The following FBXO25 variants were observed in gnomAD, a reference collection of about 807,000 sequenced individuals.
The protein encoded by FBXO25 is F-box protein 25.
In FBXO25, 45 loss-of-function variants were observed where a neutral mutation model predicts 51.9. The observed-to-expected ratio is 0.87, with a 90% CI of 0.68 to 1.11. FBXO25 has a LOEUF of 1.11. Among genes scored for constraint, FBXO25 ranks in the 50% most tolerant of loss-of-function variants. The pLI, the probability that FBXO25 is intolerant of heterozygous loss-of-function variation, is 0.00. For synonymous variants in FBXO25, 199 were observed against 151.0 expected (o/e 1.32, Z -2.33); for missense variants, 507 against 428.5 (o/e 1.18, Z -1.62).
At chr8:411,603 T>G (rs1796486652) in intron 1 of FBXO25, among the ~76,000 whole-genome samples, 1 of 152,188 alleles carries the variant, frequency 6.6e-6, no homozygotes, top group African/African-American at 2.4e-5. Context: ...GCTCCTGTTG[T>G]TTTCCTGGCA....
intron 5 of FBXO25, among the ~76,000 whole-genome samples, chr8:436,727 G>C (rs1798124928): frequency 6.6e-6 from 1 of 152,188 alleles, no homozygotes; most frequent in Non-Finnish European, 1.5e-5. Context: ...CAGTACTTAA[G>C]TAGCCGGGAA....
At chr8:412,268 C>T (rs146082002) in intron 1 of FBXO25, among the ~76,000 whole-genome samples, 1 of 152,256 alleles carries the variant, frequency 6.6e-6, no homozygotes, top group African/African-American at 2.4e-5. Flanking sequence ...TATCCCAGAT[C>T]CAGGGGCTAC....
chr8:451,206 A>G (rs1799064366), intron 6 of FBXO25, 63 bp from the exon 7 acceptor site: 7 of 1,429,458 alleles, frequency 4.9e-6, no homozygotes, highest in Middle Eastern at 1.8e-4. Context: ...TTATGAAACT[A>G]GATCTTTTTT....
intron 8 of FBXO25, among the ~76,000 whole-genome samples, chr8:458,832 T>C (rs1454460825): frequency 1.3e-5 from 2 of 152,190 alleles, no homozygotes; most frequent in East Asian, 3.9e-4. Flanking sequence ...ACGAGGTGCA[T>C]AGAGTCCCTG....
intron 2 of FBXO25, among the ~76,000 whole-genome samples, chr8:428,367 T>C (rs1442742565): frequency 6.6e-6 from 1 of 152,118 alleles, no homozygotes; most frequent in Non-Finnish European, 1.5e-5. Flanking sequence ...CATACAAGTG[T>C]GTTTGTGCCC....
intron 2 of FBXO25, among the ~76,000 whole-genome samples, chr8:418,288 TTTTCCTTTCCC>T (rs1563063976): frequency 6.6e-6 from 1 of 151,986 alleles, no homozygotes; most frequent in African/African-American, 2.4e-5. Context: ...ATTTTATTTC[TTTTCCTTTCCC>T]TTTCCTTTCC....
intron 1 of FBXO25, among the ~76,000 whole-genome samples, chr8:410,031 A>G (rs914746652): frequency 6.6e-6 from 1 of 152,104 alleles, no homozygotes; most frequent in African/African-American, 2.4e-5. Flanking sequence ...CCCATGATTG[A>G]TATTTTTTGC....
chr8:444,973 TC>T (rs1395106295), intron 5 of FBXO25, among the ~76,000 whole-genome samples: 1 of 152,224 alleles, frequency 6.6e-6, no homozygotes, highest in Non-Finnish European at 1.5e-5. Context: ...ATAAAAAACT[TC>T]CTACAATATT....
Position 451,375 on chromosome 8 carries a change from A to G in FBXO25, c.582A>G (p.Gly194=), listed in dbSNP as rs747124599. The change falls in exon 7 of 10, where the codon GGA becomes GGG. Residue 194 remains glycine (G), a synonymous_variant. Transcript: ENST00000350302. ...GAGTAGGGAAGTCTGTATTAGTGGGAAACATCAATATTTGGATTTGCCGAT... is the reference window on the plus strand; with the variant it reads ...GAGTAGGGAAGTCTGTATTAGTGGGGAACATCAATATTTGGATTTGCCGAT... ...IRGVGKSVLV[G]NINIWICRLE... 3.7e-6 allele frequency: 6 copies of G among 1,614,034 alleles called. No individual in the cohort carries two copies. Among genetic ancestry groups the G allele is most frequent in the Non-Finnish European group, 5.1e-6 (6 of 1,179,972 alleles).
chr8:472,960 A>C lies in FBXO25; in HGVS notation c.*4156A>C, dbSNP rs951516851. 2 of 152,306 alleles carry C rather than the reference A, an allele frequency of 1.3e-5. No individual in the cohort carries two copies. Among genetic ancestry groups the C allele is most frequent in the Non-Finnish European group, 2.9e-5 (2 of 68,078 alleles). 9.4% of individuals were successfully genotyped at this position (152,306 alleles called of 1,614,324 possible). A position where few individuals can be genotyped will look rare whatever the true frequency, so the allele number is the denominator to read the frequency against. On this transcript the variant is annotated 3_prime_UTR_variant, in exon 10 of 10. Coordinates refer to ENST00000350302, the MANE Select transcript of FBXO25 (RefSeq NM_183420.2). ...CACTCACCTCCCTTTAGTCCCTATC[A>C]AATGCTACCCAATGGCAAAGCCAAG...
At chr8:419,076 A>G (rs542031425) in intron 2 of FBXO25, among the ~76,000 whole-genome samples, 77 of 152,292 alleles carry the variant, frequency 5.1e-4, no homozygotes, top group African/African-American at 1.7e-3. Flanking sequence ...AGTCAGAGCA[A>G]CGGCTGGGCG....
chr8:449,571 T>C (rs1385805749), intron 5 of FBXO25, among the ~76,000 whole-genome samples: 1 of 152,270 alleles, frequency 6.6e-6, no homozygotes, highest in African/African-American at 2.4e-5. Flanking sequence ...TGATTGTCTG[T>C]TCAGCAAACA....
At chr8:437,912 A>G (rs3965449) in intron 5 of FBXO25, among the ~76,000 whole-genome samples, 1 of 152,174 alleles carries the variant, frequency 6.6e-6, no homozygotes, top group Non-Finnish European at 1.5e-5. Context: ...TAAGTTGTCC[A>G]TAATGTCACT....
rs1800616361 is a variant in FBXO25, at chr8:475,527, T to A, written c.*6723T>A. On this transcript the variant is annotated 3_prime_UTR_variant, in exon 10 of 10. Coordinates refer to ENST00000350302, the MANE Select transcript of FBXO25 (RefSeq NM_183420.2). ...TATAGATTGCTTTGGACTATGGACA[T>A]CTTAAGGTATCCAATCCATAAACAC... The A allele has an allele frequency of 6.6e-6, 1 of 152,366 alleles. No individual in the cohort carries two copies. 9.4% of individuals were successfully genotyped at this position (152,366 alleles called of 1,614,324 possible). A position where few individuals can be genotyped will look rare whatever the true frequency, so the allele number is the denominator to read the frequency against.
Position 474,430 on chromosome 8 carries a change from C to A in FBXO25, c.*5626C>A. The A allele has an allele frequency of 3.4e-6, 1 of 292,440 alleles. No individual in the cohort carries two copies. The highest frequency in any genetic ancestry group is 6.6e-6 in the Non-Finnish European group (1 of 152,214). 18.1% of individuals were successfully genotyped at this position (292,440 alleles called of 1,614,324 possible). On this transcript the variant is annotated 3_prime_UTR_variant, in exon 10 of 10. Coordinates refer to ENST00000350302, the MANE Select transcript of FBXO25 (RefSeq NM_183420.2). The stretch of plus-strand genomic sequence containing the variant: ...GTGCAAATATCTGAGTCTCTGCTTT[C>A]AATCATATGGCAATCCTATGTTTAA...
intron 9 of FBXO25, among the ~76,000 whole-genome samples, chr8:463,579 C>G (rs761228034): frequency 6.6e-6 from 1 of 152,206 alleles, no homozygotes; most frequent in Non-Finnish European, 1.5e-5. Flanking sequence ...AGGGCCAGGA[C>G]CAGCTTAGGC....
chr8:442,969 A>C (rs547193312), intron 5 of FBXO25, among the ~76,000 whole-genome samples: 4 of 152,198 alleles, frequency 2.6e-5, no homozygotes, highest in African/African-American at 9.7e-5. Context: ...AAAGTGTATT[A>C]GCAAAGTATG....
Position 475,619 on chromosome 8 carries a change from A to ACAAGT in FBXO25, c.*6817_*6821dup, listed in dbSNP as rs1482920002. ...AAGCAGTGTTTTATGGTTTTCAAGT[A>ACAAGT]CAAGTCTTTTGCTTCCTTAAGTTTA... On this transcript the variant is annotated 3_prime_UTR_variant, in exon 10 of 10. Coordinates refer to ENST00000350302, the MANE Select transcript of FBXO25 (RefSeq NM_183420.2). The ACAAGT allele has an allele frequency of 6.6e-6, 1 of 152,196 alleles. No individual in the cohort carries two copies. Among genetic ancestry groups the ACAAGT allele is most frequent in the Non-Finnish European group, 1.5e-5 (1 of 68,014 alleles). 9.4% of individuals were successfully genotyped at this position (152,196 alleles called of 1,614,324 possible). A position where few individuals can be genotyped will look rare whatever the true frequency, so the allele number is the denominator to read the frequency against.
chr8:467,169 A>C (rs1477157138), intron 9 of FBXO25, among the ~76,000 whole-genome samples: 3 of 152,102 alleles, frequency 2.0e-5, no homozygotes, highest in Non-Finnish European at 4.4e-5. Flanking sequence ...ACAGCACAGG[A>C]GGGCAGCTGC....
Sources: allele counts gnomAD v4.1 joint callset (sites outside exome capture counted in the v4.1 genomes callset), GRCh38; gene constraint gnomAD v4.1.1; transcripts MANE v1.5; gene names NCBI Gene and HGNC (gene_info 2026-07-23, HGNC 2026-07-21).